TMEM132C: variants seen among roughly 807,000 people sequenced by gnomAD.
TMEM132C encodes protein phosphatase 1, regulatory subunit 152.
TMEM132C carries 29 observed loss-of-function variants against 61.4 expected under a neutral mutation model. That is an observed-to-expected ratio of 0.47 (90% CI 0.35 to 0.64). The LOEUF is 0.64. Ranked by LOEUF, TMEM132C falls within the 30% of genes least tolerant of loss-of-function variation. The probability of loss-of-function intolerance (pLI) is 0.00; values close to 1 mark genes in which losing one functional copy is unlikely to be tolerated. For missense variants in TMEM132C, 1,408 were observed against 1,476.9 expected (o/e 0.95, Z 0.76); for synonymous variants, 656 against 633.1 (o/e 1.04, Z -0.54).
At chr12:128,427,387 G>GTGTGTGTGT (rs1869224289) in intron 2 of TMEM132C, among the ~76,000 whole-genome samples, 2 of 132,294 alleles carry the variant, frequency 1.5e-5, no homozygotes, top group African/African-American at 6.1e-5. Context: ...CTTCCAAAGG[G>GTGTGTGTGT]GTGTGTGTGT....
At position 128,669,339 on chromosome 12, in the gene TMEM132C, G is replaced by C; in HGVS notation, c.1306-78G>C. 4 of 1,498,400 alleles carry C rather than the reference G, an allele frequency of 2.7e-6. No homozygotes were observed. In the South Asian group the frequency reaches 5.4e-5, roughly 20 times the overall value. 92.8% of individuals were successfully genotyped at this position (1,498,400 alleles called of 1,614,324 possible). A position where few individuals can be genotyped will look rare whatever the true frequency, so the allele number is the denominator to read the frequency against. ...GGACAGCCTGGTGTTTACCCTGGGAGATTCCCCCTAGAATTGTCCAGTTCC... is the reference window on the plus strand; with the variant it reads ...GGACAGCCTGGTGTTTACCCTGGGACATTCCCCCTAGAATTGTCCAGTTCC... On this transcript the variant is annotated intron_variant, in intron 4 of 8. Transcript: ENST00000435159.
intron 1 of TMEM132C, among the ~76,000 whole-genome samples, chr12:128,352,365 C>T (rs1367675348): frequency 6.6e-6 from 1 of 152,142 alleles, no homozygotes; most frequent in Non-Finnish European, 1.5e-5. Flanking sequence ...AACTTACTCA[C>T]TGTCACAAGA....
At chr12:128,696,176 G>A in intron 7 of TMEM132C, 73 bp downstream of exon 7, 2 of 1,490,254 alleles carry the variant, frequency 1.3e-6, no homozygotes, top group Middle Eastern at 2.4e-4. Flanking sequence ...CAATGGGTGG[G>A]CAGATCACTG....
intron 2 of TMEM132C, among the ~76,000 whole-genome samples, chr12:128,417,242 C>A (rs529668307): frequency 6.6e-6 from 1 of 152,070 alleles, no homozygotes; most frequent in African/African-American, 2.4e-5. Context: ...GGAGACAGAA[C>A]GTCTCCAGCA....
intron 3 of TMEM132C, among the ~76,000 whole-genome samples, chr12:128,545,496 G>T (rs917480828): frequency 6.6e-6 from 1 of 152,216 alleles, no homozygotes; most frequent in Non-Finnish European, 1.5e-5. Flanking sequence ...GGATTGCTGG[G>T]TTGGATGGTA....
At chr12:128,604,438 T>C (rs1428123542) in intron 3 of TMEM132C, among the ~76,000 whole-genome samples, 1 of 149,576 alleles carries the variant, frequency 6.7e-6, no homozygotes, top group Non-Finnish European at 1.5e-5. Context: ...GATAGATAGA[T>C]AGATAGATAG....
chr12:128,335,345 T>C (rs1944537579), intron 1 of TMEM132C, among the ~76,000 whole-genome samples: 1 of 152,234 alleles, frequency 6.6e-6, no homozygotes, highest in African/African-American at 2.4e-5. Flanking sequence ...AACTGTAAAT[T>C]TGCGTTTATG....
chr12:128,363,711 G>T (rs762780917), intron 1 of TMEM132C, among the ~76,000 whole-genome samples: 3 of 152,068 alleles, frequency 2.0e-5, no homozygotes, highest in Non-Finnish European at 2.9e-5. Flanking sequence ...TGGGCGTGGT[G>T]GCACATGCCT....
At chr12:128,380,105 T>A (rs1030565597) in intron 1 of TMEM132C, among the ~76,000 whole-genome samples, 1 of 152,262 alleles carries the variant, frequency 6.6e-6, no homozygotes, top group Non-Finnish European at 1.5e-5. Flanking sequence ...TCATCTTTTC[T>A]GTAAGATCTT....
chr12:128,333,657 TATG>T (rs1872720982), intron 1 of TMEM132C, among the ~76,000 whole-genome samples: 1 of 151,662 alleles, frequency 6.6e-6, no homozygotes, highest in Non-Finnish European at 1.5e-5. Flanking sequence ...TGTGAGAGTT[TATG>T]GTGTGTGTGG....
chr12:128,363,862 A>AC (rs1320931880), intron 1 of TMEM132C, among the ~76,000 whole-genome samples: 227 of 151,426 alleles, frequency 1.5e-3, no homozygotes, highest in African/African-American at 5.3e-3. Flanking sequence ...AAAAAAAAAA[A>AC]AGAAGATGGG....
intron 3 of TMEM132C, among the ~76,000 whole-genome samples, chr12:128,561,983 G>C (rs1874537970): frequency 6.6e-6 from 1 of 152,134 alleles, no homozygotes; most frequent in Non-Finnish European, 1.5e-5. Flanking sequence ...AGAGATGGGT[G>C]GGGTGTTGGG....
chr12:128,453,189 A>C (rs1446656864), intron 2 of TMEM132C, among the ~76,000 whole-genome samples: 1 of 152,072 alleles, frequency 6.6e-6, no homozygotes, highest in Non-Finnish European at 1.5e-5. Context: ...CATAGCAGCC[A>C]CTCCAGAGCA....
chr12:128,630,763 G>A lies in TMEM132C; in HGVS notation c.1305+14428G>A, dbSNP rs539804341. On this transcript the variant is annotated intron_variant, in intron 4 of 8. Transcript: ENST00000435159. This position sits in a 1 kb window ranked among gnomAD's most constrained non-coding sequence, Gnocchi z 4.3. Reference sequence around the variant, plus strand: ...TTATAATAATGTGTGGGCCGGGCACGGTGGCTCACGCCTGTAATCCCAGCA... The same window carrying A: ...TTATAATAATGTGTGGGCCGGGCACAGTGGCTCACGCCTGTAATCCCAGCA... Among the ~76,000 whole-genome samples, 3 of 152,282 alleles carry A rather than the reference G, an allele frequency of 2.0e-5. No homozygotes were observed. The highest frequency in any genetic ancestry group is 2.1e-4 in the South Asian group (1 of 4,824).
intron 1 of TMEM132C, among the ~76,000 whole-genome samples, chr12:128,267,795 A>C (rs1592990324): frequency 6.6e-6 from 1 of 151,994 alleles, no homozygotes; most frequent in Non-Finnish European, 1.5e-5. Context: ...TTTGTTCCCC[A>C]TCCCTGAGTT....
chr12:128,678,355 T>C (rs1359643715), intron 5 of TMEM132C, among the ~76,000 whole-genome samples: 1 of 152,180 alleles, frequency 6.6e-6, no homozygotes, highest in Non-Finnish European at 1.5e-5. Flanking sequence ...GTCCCTGCTG[T>C]AAAGCAAGGA....
At chr12:128,393,859 G>A (rs1020815421) in intron 1 of TMEM132C, among the ~76,000 whole-genome samples, 7 of 152,230 alleles carry the variant, frequency 4.6e-5, no homozygotes, top group African/African-American at 1.7e-4. Context: ...TCCTTTTAAG[G>A]TGCTATCCTT....
intron 3 of TMEM132C, among the ~76,000 whole-genome samples, chr12:128,581,417 A>G (rs890170044): frequency 3.1e-4 from 47 of 152,154 alleles, no homozygotes; most frequent in African/African-American, 9.2e-4. Flanking sequence ...GGGGAGGGGA[A>G]ACACCCTTTA....
At chr12:128,417,681 G>T (rs574577131) in intron 2 of TMEM132C, among the ~76,000 whole-genome samples, 1 of 152,260 alleles carries the variant, frequency 6.6e-6, no homozygotes, top group East Asian at 1.9e-4. Context: ...ATATTTATTT[G>T]CAGGGTGCTC....
Sources: gnomAD v4.1 joint callset for allele counts (sites outside exome capture counted in the v4.1 genomes callset) on GRCh38, gnomAD v4.1.1 for gene constraint, Gnocchi (gnomAD v3.1) non-coding constraint, MANE v1.5 for transcripts, NCBI Gene and HGNC (gene_info 2026-07-23, HGNC 2026-07-21) for gene names.